Variants in WWOX observed in about 807,000 individuals in gnomAD.
WWOX encodes WW domain containing oxidoreductase.
WWOX carries 69 observed loss-of-function variants against 46.2 expected under a neutral mutation model. The observed-to-expected ratio is 1.49, with a 90% confidence interval of 1.23 to 1.82. WWOX has a LOEUF of 1.82. Among genes scored for constraint, WWOX ranks in the 40% most tolerant of loss-of-function variants. The probability of loss-of-function intolerance (pLI) is 0.00; values close to 1 mark genes in which losing one functional copy is unlikely to be tolerated. For missense variants in WWOX, 919 were observed against 542.6 expected (o/e 1.69, Z -6.89); for synonymous variants, 359 against 202.6 (o/e 1.77, Z -6.56).
intron 8 of WWOX, among the ~76,000 whole-genome samples, chr16:78,595,288 T>G (rs1265835088): frequency 2.9e-5 from 1 of 34,438 alleles, no homozygotes; most frequent in Non-Finnish European, 9.5e-5. Flanking sequence ...TGGAAATGTC[T>G]TTTTTTTTTT....
At chr16:78,958,229 A>G (rs911817317) in intron 8 of WWOX, among the ~76,000 whole-genome samples, 1 of 152,062 alleles carries the variant, frequency 6.6e-6, no homozygotes, top group Admixed American at 6.5e-5. Context: ...CTACTTCTGA[A>G]TATTTCGGTT....
intron 8 of WWOX, among the ~76,000 whole-genome samples, chr16:78,943,665 G>T (rs752807529): frequency 1.3e-5 from 2 of 152,204 alleles, no homozygotes; most frequent in Admixed American, 6.5e-5. Flanking sequence ...ATCCAGAAGA[G>T]TGTAGGACAC....
chr16:79,045,916 C>T (rs1481799003), intron 8 of WWOX, among the ~76,000 whole-genome samples: 1 of 148,254 alleles, frequency 6.7e-6, no homozygotes, highest in Non-Finnish European at 1.5e-5. Context: ...ATTCTCCTGC[C>T]TCAGCCTCCC....
chr16:78,606,741 T>TC (rs1491064371), intron 8 of WWOX, among the ~76,000 whole-genome samples: 1 of 119,874 alleles, frequency 8.3e-6, no homozygotes, highest in African/African-American at 2.7e-5. Context: ...TTTTTTTTTT[T>TC]TAAATAGGGG....
At position 78,629,852 on chromosome 16, in the gene WWOX, AAATT is replaced by A. The variant is rs545022818; in HGVS notation, c.1056+197105_1056+197108del. Among the ~76,000 whole-genome samples, 709 of 152,370 alleles carry A rather than the reference AAATT, an allele frequency of 4.7e-3. 4 individuals carry two copies. The highest frequency in any genetic ancestry group is 0.015 in the African/African-American group (606 of 41,588). On this transcript the variant is annotated intron_variant, in intron 8 of 8. Transcript: ENST00000566780. ...TAGAAAAAACTAATTTAGAAATAGAAAATTAATTGAGTTTTAGTTTTTAGAAAAT... is the reference window on the plus strand; with the variant it reads ...TAGAAAAAACTAATTTAGAAATAGAAAATTGAGTTTTAGTTTTTAGAAAAT...
At chr16:78,148,009 T>C (rs932273854) in intron 4 of WWOX, among the ~76,000 whole-genome samples, 1 of 151,820 alleles carries the variant, frequency 6.6e-6, no homozygotes, top group African/African-American at 2.4e-5. Flanking sequence ...AAGAACCCTG[T>C]CTCGAGCAGA....
intron 8 of WWOX, among the ~76,000 whole-genome samples, chr16:78,533,631 A>G (rs1010434820): frequency 6.6e-6 from 1 of 152,108 alleles, no homozygotes; most frequent in East Asian, 1.9e-4. Flanking sequence ...CTGGCCTGAG[A>G]GGCAGACCTG....
At chr16:78,382,971 A>G (rs187987294) in intron 5 of WWOX, among the ~76,000 whole-genome samples, 150 of 151,778 alleles carry the variant, frequency 9.9e-4, no homozygotes, top group Admixed American at 3.9e-3. Flanking sequence ...ACTTCCAATC[A>G]TGGCGAAGAG....
chr16:78,832,175 C>T (rs1273866328), intron 8 of WWOX, among the ~76,000 whole-genome samples: 1 of 152,098 alleles, frequency 6.6e-6, no homozygotes, highest in Non-Finnish European at 1.5e-5. Context: ...TCTCAGAATC[C>T]TTGACTGAAG....
At chr16:79,207,289 A>C (rs2051547737) in intron 8 of WWOX, among the ~76,000 whole-genome samples, 1 of 152,268 alleles carries the variant, frequency 6.6e-6, no homozygotes, top group Non-Finnish European at 1.5e-5. Flanking sequence ...AACAGACACC[A>C]GATGAGTAAC....
chr16:78,199,720 C>T (rs755014568), intron 5 of WWOX, among the ~76,000 whole-genome samples: 7 of 152,156 alleles, frequency 4.6e-5, no homozygotes, highest in South Asian at 4.2e-4. Flanking sequence ...TACATGACAT[C>T]CTACCCCCTT....
chr16:78,742,330 C>G (rs1453424803), intron 8 of WWOX, among the ~76,000 whole-genome samples: 1 of 152,178 alleles, frequency 6.6e-6, no homozygotes, highest in Non-Finnish European at 1.5e-5. Context: ...AGGGTGTCCT[C>G]TGGTGAAGGG....
At chr16:79,037,515 C>G (rs957427170) in intron 8 of WWOX, among the ~76,000 whole-genome samples, 2 of 152,042 alleles carry the variant, frequency 1.3e-5, no homozygotes, top group Admixed American at 6.6e-5. Context: ...GCAGCTGTCA[C>G]CTTCCCAAAG....
At chr16:78,768,117 T>G (rs765906564) in intron 8 of WWOX, among the ~76,000 whole-genome samples, 2 of 150,420 alleles carry the variant, frequency 1.3e-5, no homozygotes, top group Non-Finnish European at 3.0e-5. Flanking sequence ...GTAATTGTAA[T>G]TCTTGGCTTT....
At chr16:78,885,071 G>C (rs111350653) in intron 8 of WWOX, among the ~76,000 whole-genome samples, 1 of 152,114 alleles carries the variant, frequency 6.6e-6, no homozygotes, top group East Asian at 1.9e-4. Context: ...CCCAGGTTCA[G>C]TGGTGAGAGT....
At chr16:79,186,640 A>G (rs2051021334) in intron 8 of WWOX, among the ~76,000 whole-genome samples, 2 of 152,106 alleles carry the variant, frequency 1.3e-5, no homozygotes, top group African/African-American at 4.8e-5. Flanking sequence ...ACTTGAACAT[A>G]TATTCTTCGG....
intron 6 of WWOX, among the ~76,000 whole-genome samples, chr16:78,394,434 G>A (rs1484403138): frequency 7.0e-6 from 1 of 143,792 alleles, no homozygotes; most frequent in East Asian, 2.4e-4. Context: ...AGCACACTGT[G>A]AAATACTTAG....
rs114199762 is a variant in WWOX, at chr16:78,616,100, C to T, written c.1056+183348C>T. Among the ~76,000 whole-genome samples the T allele has an allele frequency of 1.6e-3, 241 of 152,154 alleles. 2 individuals are homozygous for T. The highest frequency in any genetic ancestry group is 5.4e-3 in the African/African-American group (224 of 41,512). ...CATTAGCTATTCTTCTCACTTCCTA[C>T]GTAGAATTCCCTACCCTGTGTCTTT... is the stretch of plus-strand genomic sequence containing the variant. On this transcript the variant is annotated intron_variant, in intron 8 of 8. Coordinates refer to ENST00000566780, the MANE Select transcript of WWOX (RefSeq NM_016373.4).
intron 4 of WWOX, among the ~76,000 whole-genome samples, chr16:78,141,707 G>T (rs2033994090): frequency 6.6e-6 from 1 of 151,934 alleles, no homozygotes; most frequent in African/African-American, 2.4e-5. Flanking sequence ...AATAGGATTA[G>T]GAATAAAAAT....
Sources: gnomAD v4.1 joint callset for allele counts (sites outside exome capture counted in the v4.1 genomes callset) on GRCh38, gnomAD v4.1.1 for gene constraint, MANE v1.5 for transcripts, NCBI Gene and HGNC (gene_info 2026-07-23, HGNC 2026-07-21) for gene names.